Variants in FBXO4 observed in about 807,000 individuals in gnomAD.
FBXO4 encodes the protein F-box protein 4.
In FBXO4, 36 loss-of-function variants were observed where a neutral mutation model predicts 43.7. The ratio of observed to expected loss-of-function variants is 0.82; its 90% CI spans 0.63 to 1.09. The LOEUF (loss-of-function observed/expected upper bound fraction) is 1.09. Among genes scored for constraint, FBXO4 ranks in the 50% least tolerant of loss-of-function variants. FBXO4 has a pLI of 0.00. For synonymous variants in FBXO4, 180 were observed against 165.6 expected, an observed-to-expected ratio of 1.09 and a Z score of -0.67; for missense variants, 435 against 474.1, an observed-to-expected ratio of 0.92 and a Z score of 0.77.
At chr5:42,002,259 C>T in the FBXO4 span, among the ~76,000 whole-genome samples, 1 of 152,126 alleles carries the variant, frequency 6.6e-6, no homozygotes, top group African/African-American at 2.4e-5. Context: ...GTACCTCTTT[C>T]CCAGAGGGTC....
the FBXO4 span, among the ~76,000 whole-genome samples, chr5:41,973,538 A>G: frequency 3.9e-5 from 6 of 152,138 alleles, no homozygotes; most frequent in Non-Finnish European, 8.8e-5. Context: ...AAAACTAGCC[A>G]GATTTCATGG....
the FBXO4 span, chr5:41,964,106 T>C: frequency 6.6e-6 from 1 of 152,218 alleles, no homozygotes; most frequent in Non-Finnish European, 1.5e-5. Context: ...TTATGAGTAG[T>C]AAACAAAAGC....
At chr5:41,979,337 T>G in the FBXO4 span, among the ~76,000 whole-genome samples, 1 of 152,212 alleles carries the variant, frequency 6.6e-6, no homozygotes, top group Non-Finnish European at 1.5e-5. Flanking sequence ...ATTTCTTATG[T>G]CTCTGGCTTT....
intron 1 of FBXO4, 73 bp downstream of exon 1, chr5:41,925,571 C>T: frequency 2.5e-6 from 3 of 1,179,322 alleles, no homozygotes; most frequent in Middle Eastern, 3.2e-4. Context: ...TGGAGCCCCC[C>T]GGGGCCTGGG....
chr5:41,930,465 G>T (rs773698647), intron 3 of FBXO4, among the ~76,000 whole-genome samples: 1 of 152,184 alleles, frequency 6.6e-6, no homozygotes, highest in Non-Finnish European at 1.5e-5. Context: ...TTCAAGATAG[G>T]TGTAGGTGAG....
the FBXO4 span, among the ~76,000 whole-genome samples, chr5:42,015,286 G>C: frequency 6.6e-6 from 1 of 152,204 alleles, no homozygotes; most frequent in Non-Finnish European, 1.5e-5. Context: ...GTGTGTGAGT[G>C]TGTGTGTGCA....
At chr5:41,993,047 TTG>T in the FBXO4 span, among the ~76,000 whole-genome samples, 9 of 152,330 alleles carry the variant, frequency 5.9e-5, no homozygotes, top group Admixed American at 3.9e-4. Context: ...TAAAAACATA[TTG>T]TAAACCCTTT....
chr5:42,018,660 T>C, the FBXO4 span, among the ~76,000 whole-genome samples: 1 of 152,176 alleles, frequency 6.6e-6, no homozygotes, highest in South Asian at 2.1e-4. Context: ...TTTACAATAA[T>C]CTTGTTTGTC....
In FBXO4 at chr5:41,930,085, C is replaced by G. The variant is rs932265693; in HGVS notation, c.646+168C>G. The G allele has an allele frequency of 3.4e-5, 19 of 561,488 alleles. 1 individual carries two copies. The highest frequency in any genetic ancestry group is 2.8e-4 in the African/African-American group (15 of 53,008). 34.8% of individuals were successfully genotyped at this position (561,488 alleles called of 1,614,324 possible). ...TGAACTGACAGAATTAATTTACTTA[C>G]TATAAGAAAGCTTCCTCTTAATTCC... On this transcript the variant is annotated intron_variant, in intron 3 of 6. Transcript: ENST00000281623.
chr5:41,988,458 T>C, the FBXO4 span, among the ~76,000 whole-genome samples: 2 of 152,194 alleles, frequency 1.3e-5, no homozygotes, highest in East Asian at 1.9e-4. Flanking sequence ...TGATATTCAC[T>C]GTGAGAACAT....
At chr5:41,953,181 A>G in the FBXO4 span, among the ~76,000 whole-genome samples, 5 of 149,926 alleles carry the variant, frequency 3.3e-5, no homozygotes, top group African/African-American at 9.9e-5. Context: ...AGAGTGTGAT[A>G]TTCCCCTTCC....
Position 41,934,502 on chromosome 5 carries a change from A to G in FBXO4, c.898+194A>G. 8 of 1,405,538 alleles carry G rather than the reference A, an allele frequency of 5.7e-6. No individual in the cohort carries two copies. The South Asian group carries it at 1.1e-4, about 19-fold the overall frequency. The allele number at this position is 1,405,538 out of a possible 1,614,324, so 87.1% of individuals were successfully genotyped here. A position where few individuals can be genotyped will look rare whatever the true frequency, so the allele number is the denominator to read the frequency against. On this transcript the variant is annotated intron_variant, in intron 5 of 6. Transcript: ENST00000281623. Reference sequence around the variant, plus strand: ...GGATCACCTGGGAAGCTTGTTAAACATGTTAACAAGCTGATTCCTACCCTG... The same window carrying G: ...GGATCACCTGGGAAGCTTGTTAAACGTGTTAACAAGCTGATTCCTACCCTG...
At chr5:41,975,913 T>C in the FBXO4 span, among the ~76,000 whole-genome samples, 1 of 152,126 alleles carries the variant, frequency 6.6e-6, no homozygotes, top group African/African-American at 2.4e-5. Context: ...GGTGCCAGCA[T>C]CTGCTTGGCT....
chr5:41,939,525 T>G lies in FBXO4; in HGVS notation c.983T>G (p.Leu328Ter). 6.2e-7 allele frequency: 1 copy of G among 1,614,010 alleles called. No homozygotes were observed. The highest frequency in any genetic ancestry group is 8.5e-7 in the Non-Finnish European group (1 of 1,179,928). ...TCTTCGGGAAGACCATTGTTGGTTT[T>G]ATCTTGTATTTCTCAAGGGGATGTA... is the stretch of plus-strand genomic sequence containing the variant. ...FGSSGRPLLV[L>*]SCISQGDVKR... Residue 328 changes from leucine (L) to a stop codon, truncating the protein, a stop_gained, in exon 6 of 7, where the codon TTA becomes TGA. Transcript: ENST00000281623. LOFTEE classifies it high-confidence loss of function.
At chr5:42,010,477 C>A in the FBXO4 span, among the ~76,000 whole-genome samples, 1 of 150,268 alleles carries the variant, frequency 6.7e-6, no homozygotes, top group African/African-American at 2.5e-5. Flanking sequence ...CACTGGACTC[C>A]AGCCTGGGTG....
chr5:41,957,388 A>G, the FBXO4 span, among the ~76,000 whole-genome samples: 1 of 148,854 alleles, frequency 6.7e-6, no homozygotes, highest in Non-Finnish European at 1.5e-5. Flanking sequence ...CTGAATAATT[A>G]TAATTATTTA....
At chr5:42,017,032 C>T in the FBXO4 span, among the ~76,000 whole-genome samples, 2 of 151,900 alleles carry the variant, frequency 1.3e-5, no homozygotes, top group African/African-American at 4.8e-5. Flanking sequence ...TTTTCCTAGA[C>T]ATTCTAGGCA....
chr5:41,953,911 G>A, the FBXO4 span, among the ~76,000 whole-genome samples: 1 of 152,154 alleles, frequency 6.6e-6, no homozygotes, highest in Non-Finnish European at 1.5e-5. Flanking sequence ...TTTGTCAGAT[G>A]AGTAGGTTGC....
the FBXO4 span, chr5:41,967,953 A>G: frequency 2.0e-6 from 1 of 506,150 alleles, no homozygotes; most frequent in Non-Finnish European, 4.1e-6. Flanking sequence ...AGAGACTTGC[A>G]GGAGTTTTGC....
Sources: allele counts gnomAD v4.1 joint callset (sites outside exome capture counted in the v4.1 genomes callset), GRCh38; gene constraint gnomAD v4.1.1; transcripts MANE v1.5; gene names NCBI Gene and HGNC (gene_info 2026-07-23, HGNC 2026-07-21).